The following OSBPL3 variants were observed in gnomAD, a reference collection of about 807,000 sequenced individuals.
OSBPL3 encodes oxysterol-binding protein-related protein 3.
A neutral mutation model predicts 120.1 loss-of-function variants in OSBPL3; 65 were observed. That is an observed-to-expected ratio of 0.54 (90% CI 0.44 to 0.67). OSBPL3 has a LOEUF of 0.67. OSBPL3 is among the 30% of genes least tolerant of loss of function. The pLI is 0.00. For missense variants in OSBPL3, 1,004 were observed against 1,082.1 expected, an observed-to-expected ratio of 0.93 and a Z score of 1.01; for synonymous variants, 416 against 402.6, an observed-to-expected ratio of 1.03 and a Z score of -0.40.
At chr7:24,978,213 C>A (rs1362086623) in intron 1 of OSBPL3, among the ~76,000 whole-genome samples, 8 of 152,144 alleles carry the variant, frequency 5.3e-5, no homozygotes, top group Admixed American at 5.2e-4. Context: ...TACAAAAGTT[C>A]CTAGTATTGC....
upstream of OSBPL3, among the ~76,000 whole-genome samples, chr7:24,980,834 G>A (rs746351600): frequency 6.6e-6 from 1 of 152,248 alleles, no homozygotes; most frequent in East Asian, 1.9e-4. Flanking sequence ...GGGGGTAGGA[G>A]GTGGGGAGAG....
At chr7:24,911,399 A>G (rs1808800698) in intron 1 of OSBPL3, among the ~76,000 whole-genome samples, 1 of 152,208 alleles carries the variant, frequency 6.6e-6, no homozygotes, top group Non-Finnish European at 1.5e-5. Flanking sequence ...TTACTATGAA[A>G]TGTGAGCATG....
At chr7:24,973,073 A>C (rs1375041717) in intron 1 of OSBPL3, among the ~76,000 whole-genome samples, 2 of 152,156 alleles carry the variant, frequency 1.3e-5, no homozygotes, top group African/African-American at 4.8e-5. Context: ...ACTGTCAGAG[A>C]TCCTCTGCCA....
At position 24,959,807 on chromosome 7, in the gene OSBPL3, A is replaced by G. The variant is rs950257511; in HGVS notation, c.-150+20079T>C. On this transcript the variant is annotated intron_variant, in intron 1 of 22. Transcript: ENST00000313367. This position sits in a 1 kb window ranked among gnomAD's most constrained non-coding sequence, Gnocchi z 4.3. ...GCTGACATGCTTATCGGCCACTTGT[A>G]AAACCCAGCTGACCTGGACTGGTTT... is the stretch of plus-strand genomic sequence containing the variant. Among the ~76,000 whole-genome samples the G allele has an allele frequency of 2.6e-5, 4 of 152,222 alleles. No individual in the cohort carries two copies. The highest frequency in any genetic ancestry group is 9.6e-5 in the African/African-American group (4 of 41,460).
rs1164878587 is a variant in OSBPL3, at chr7:24,952,753, C to T, written c.-150+27133G>A. On this transcript the variant is annotated intron_variant, in intron 1 of 22. Transcript: ENST00000313367. This position sits in a 1 kb window ranked among gnomAD's most constrained non-coding sequence, Gnocchi z 4.4. ...GCCCTACCAATATGCAAACCATCAG[C>T]TGAATCTATAAACAAGAGTACCATC... 6.6e-6 allele frequency among the ~76,000 whole-genome samples: 1 copy of T among 152,170 alleles called. No homozygotes were observed. Among genetic ancestry groups the T allele is most frequent in the East Asian group, 1.9e-4 (1 of 5,196 alleles).
At position 24,873,291 on chromosome 7, in the gene OSBPL3, C is replaced by A. The variant is rs1054562994; in HGVS notation, c.97-1222G>T. Among the ~76,000 whole-genome samples the A allele has an allele frequency of 6.6e-5, 10 of 152,298 alleles. No homozygotes were observed. Among genetic ancestry groups the A allele is most frequent in the African/African-American group, 2.4e-4 (10 of 41,566 alleles). ...GACACAAGTGGTCTAACAGGGAGGG[C>A]ACAGAAACCACACAGGGTCCTGAGT... On this transcript the variant is annotated intron_variant, in intron 2 of 22. Transcript: ENST00000313367. The surrounding 1 kb of genome is among the most constrained non-coding windows in gnomAD (Gnocchi z 4.1).
intron 1 of OSBPL3, among the ~76,000 whole-genome samples, chr7:24,963,870 A>T (rs984439399): frequency 1.3e-5 from 2 of 152,170 alleles, no homozygotes; most frequent in East Asian, 1.9e-4. Context: ...CCATGCAAAA[A>T]AATGATTCTA....
In OSBPL3 at chr7:24,979,925, G is replaced by C. The variant is rs1226302798; in HGVS notation, c.-189C>G. On this transcript the variant is annotated 5_prime_UTR_variant, in exon 1 of 23. Transcript: ENST00000313367. ...GCCGGAGACGCTCCCTAGTTCCCCG[G>C]GGCCGGGCTCCGGGGTTAGCGCACA... The C allele has an allele frequency of 1.0e-6, 1 of 984,966 alleles. No homozygotes were observed. The highest frequency in any genetic ancestry group is 1.2e-6 in the Non-Finnish European group (1 of 829,950). The allele number at this position is 984,966 out of a possible 1,614,324, so 61.0% of individuals were successfully genotyped here. A position where few individuals can be genotyped will look rare whatever the true frequency, so the allele number is the denominator to read the frequency against.
At position 24,854,179 on chromosome 7, in the gene OSBPL3, T is replaced by C. The variant is rs987881332; in HGVS notation, c.1028-1545A>G. ...AATTACTGATCGTGGCTATCACATT[T>C]GAATATTATCTTTCCAATCTCCTTT... On this transcript the variant is annotated intron_variant, in intron 10 of 22. Coordinates refer to ENST00000313367, the MANE Select transcript of OSBPL3 (RefSeq NM_015550.4). This position sits in a 1 kb window ranked among gnomAD's most constrained non-coding sequence, Gnocchi z 4.1. Among the ~76,000 whole-genome samples the C allele has an allele frequency of 2.6e-5, 4 of 152,198 alleles. No individual in the cohort carries two copies. The highest frequency in any genetic ancestry group is 9.7e-5 in the African/African-American group (4 of 41,440).
intron 1 of OSBPL3, among the ~76,000 whole-genome samples, chr7:24,944,661 T>TA (rs1813507905): frequency 1.3e-5 from 2 of 151,976 alleles, no homozygotes; most frequent in Non-Finnish European, 2.9e-5. Flanking sequence ...TTTAAGAATA[T>TA]AAAATCTCAA....
rs1002773915 is a variant in OSBPL3 at position 24,937,849 on chromosome 7, T to C, written c.-150+42037A>G. Among the ~76,000 whole-genome samples the C allele has an allele frequency of 1.3e-5, 2 of 152,340 alleles. No individual in the cohort carries two copies. The highest frequency in any genetic ancestry group is 3.9e-4 in the East Asian group (2 of 5,192). On this transcript the variant is annotated intron_variant, in intron 1 of 22. Transcript: ENST00000313367. This position sits in a 1 kb window ranked among gnomAD's most constrained non-coding sequence, Gnocchi z 4.0. ...TATTTAATTTGAACAAATTTGTGAG[T>C]GTAGAAACGATATTCTTGTTCTGGT...
rs576971892 is a variant in OSBPL3 at position 24,854,006 on chromosome 7, G to A, written c.1028-1372C>T. ...TAGTGAGCCCTCAGGTACAATGAGG[G>A]CTTAGCCACTATGGCCTCCAATGCC... On this transcript the variant is annotated intron_variant, in intron 10 of 22. Coordinates refer to ENST00000313367, the MANE Select transcript of OSBPL3 (RefSeq NM_015550.4). This position sits in a 1 kb window ranked among gnomAD's most constrained non-coding sequence, Gnocchi z 4.1. Among the ~76,000 whole-genome samples, 18 of 152,196 alleles carry A rather than the reference G, an allele frequency of 1.2e-4. No homozygotes were observed. The South Asian group carries it at 3.7e-3, about 32-fold the overall frequency.
chr7:24,834,123 G>A lies in OSBPL3; in HGVS notation c.1746+363C>T. 1 of 1,006,570 alleles carries A rather than the reference G, an allele frequency of 9.9e-7. No individual in the cohort carries two copies. Among genetic ancestry groups the A allele is most frequent in the Non-Finnish European group, 1.2e-6 (1 of 838,240 alleles). 62.4% of individuals were successfully genotyped at this position (1,006,570 alleles called of 1,614,324 possible). Reference sequence around the variant, plus strand: ...AAAACAGCTCGAGAAATTAAATTCTGTCCACCCAGGGAAGTAAAAATAAAC... The same window carrying A: ...AAAACAGCTCGAGAAATTAAATTCTATCCACCCAGGGAAGTAAAAATAAAC... On this transcript the variant is annotated intron_variant, in intron 15 of 22. Coordinates refer to ENST00000313367, the MANE Select transcript of OSBPL3 (RefSeq NM_015550.4). The surrounding 1 kb of genome is among the most constrained non-coding windows in gnomAD (Gnocchi z 5.2).
At position 24,813,544 on chromosome 7, in the gene OSBPL3, G is replaced by T. The variant is rs1332124756; in HGVS notation, c.2172+1515C>A. The stretch of plus-strand genomic sequence containing the variant: ...AGAGAGCTTAGACAAAGCTTTCAAG[G>T]TAGGGTCATTTTTATTTTGTCCCAC... On this transcript the variant is annotated intron_variant, in intron 19 of 22. Transcript: ENST00000313367. The surrounding 1 kb of genome is among the most constrained non-coding windows in gnomAD (Gnocchi z 4.5). 6.6e-6 allele frequency among the ~76,000 whole-genome samples: 1 copy of T among 152,144 alleles called. No individual in the cohort carries two copies. Among genetic ancestry groups the T allele is most frequent in the East Asian group, 1.9e-4 (1 of 5,196 alleles).
rs1358184449 is a variant in OSBPL3 at position 24,938,310 on chromosome 7, G to A, written c.-150+41576C>T. Among the ~76,000 whole-genome samples the A allele has an allele frequency of 6.6e-6, 1 of 152,208 alleles. No individual in the cohort carries two copies. The highest frequency in any genetic ancestry group is 2.4e-5 in the African/African-American group (1 of 41,454). On this transcript the variant is annotated intron_variant, in intron 1 of 22. Transcript: ENST00000313367. The surrounding 1 kb of genome is among the most constrained non-coding windows in gnomAD (Gnocchi z 5.8). ...TCTATGATGCAGGCAGCCCTCACCA[G>A]ACACTGAATCTGCCAGCACCTTGAT...
rs1562897156 is a variant in OSBPL3, at chr7:24,894,903, GCCAAA to G, written c.-149-2287_-149-2283del. Among the ~76,000 whole-genome samples the G allele has an allele frequency of 6.6e-6, 1 of 152,134 alleles. No individual in the cohort carries two copies. Among genetic ancestry groups the G allele is most frequent in the African/African-American group, 2.4e-5 (1 of 41,414 alleles). On this transcript the variant is annotated intron_variant, in intron 1 of 22. Coordinates refer to ENST00000313367, the MANE Select transcript of OSBPL3 (RefSeq NM_015550.4). The surrounding 1 kb of genome is among the most constrained non-coding windows in gnomAD (Gnocchi z 4.1). ...GGAGGCAACAGCCAGGACTTAGTAG[GCCAAA>G]TCCAATAGCTATCAAAGTTGGCACT...
chr7:24,817,423 AG>A lies in OSBPL3; in HGVS notation c.1949-736del, dbSNP rs1383000702. On this transcript the variant is annotated intron_variant, in intron 17 of 22. Coordinates refer to ENST00000313367, the MANE Select transcript of OSBPL3 (RefSeq NM_015550.4). This position sits in a 1 kb window ranked among gnomAD's most constrained non-coding sequence, Gnocchi z 4.0. ...TCCCAGCTGCTCAGGAGGCTGAGGCAGGAACCCAAGAGGTGGAGGTTGCAGT... is the reference window on the plus strand; with the variant it reads ...TCCCAGCTGCTCAGGAGGCTGAGGCAGAACCCAAGAGGTGGAGGTTGCAGT... Among the ~76,000 whole-genome samples the A allele has an allele frequency of 6.6e-6, 1 of 152,108 alleles. No homozygotes were observed. The highest frequency in any genetic ancestry group is 2.4e-5 in the African/African-American group (1 of 41,430).
intron 1 of OSBPL3, among the ~76,000 whole-genome samples, chr7:24,962,507 G>A (rs1212686287): frequency 6.7e-6 from 1 of 148,668 alleles, no homozygotes; most frequent in African/African-American, 2.5e-5. Flanking sequence ...CTTGGCCCAT[G>A]CCTGGCCAGT....
At chr7:24,903,006 G>T (rs1378108007) in intron 1 of OSBPL3, among the ~76,000 whole-genome samples, 1 of 152,162 alleles carries the variant, frequency 6.6e-6, no homozygotes, top group Non-Finnish European at 1.5e-5. Flanking sequence ...AAACTCCGTG[G>T]AATAAGACAA....
Sources: allele counts gnomAD v4.1 joint callset (sites outside exome capture counted in the v4.1 genomes callset), GRCh38; gene constraint gnomAD v4.1.1; non-coding constraint Gnocchi (gnomAD v3.1); transcripts MANE v1.5; gene names NCBI Gene and HGNC (gene_info 2026-07-23, HGNC 2026-07-21).